CCDC171: variants seen among roughly 807,000 people sequenced by gnomAD.
The protein encoded by CCDC171 is coiled-coil domain containing 171.
In CCDC171, 177 loss-of-function variants were observed where a neutral mutation model predicts 168.2. That is an observed-to-expected ratio of 1.05 (90% CI 0.93 to 1.19). The LOEUF (loss-of-function observed/expected upper bound fraction) is 1.19, where lower values mean the gene tolerates loss of function less well. CCDC171 is among the 50% of genes most tolerant of loss of function. The probability of loss-of-function intolerance (pLI) is 0.00; values close to 1 mark genes in which losing one functional copy is unlikely to be tolerated. For missense variants in CCDC171, 1,991 were observed against 1,539.0 expected, an observed-to-expected ratio of 1.29 and a Z score of -4.91; for synonymous variants, 687 against 540.8, an observed-to-expected ratio of 1.27 and a Z score of -3.75.
intron 21 of CCDC171, among the ~76,000 whole-genome samples, chr9:15,810,367 A>G (rs1040841423): frequency 6.6e-6 from 1 of 152,180 alleles, no homozygotes; most frequent in Non-Finnish European, 1.5e-5. Flanking sequence ...CCACGGGCAG[A>G]GCTGCCTGCC....
chr9:15,713,262 C>G (rs1467970883), intron 11 of CCDC171, among the ~76,000 whole-genome samples: 1 of 152,026 alleles, frequency 6.6e-6, no homozygotes, highest in Non-Finnish European at 1.5e-5. Context: ...CTGCAGCTGC[C>G]TATTTTTGAA....
chr9:15,920,482 T>TA, intron 25 of CCDC171, 60 bp downstream of exon 25: 1 of 1,247,652 alleles, frequency 8.0e-7, no homozygotes, highest in African/African-American at 1.5e-5. Flanking sequence ...CATTTACATT[T>TA]ATGTTTTTAA....
At chr9:15,882,020 C>G (rs905420548) in intron 24 of CCDC171, among the ~76,000 whole-genome samples, 2 of 152,182 alleles carry the variant, frequency 1.3e-5, no homozygotes, top group East Asian at 3.8e-4. Context: ...AAACTCCATA[C>G]TGTTCTCCAT....
intron 4 of CCDC171, among the ~76,000 whole-genome samples, chr9:15,588,099 G>A (rs781544485): frequency 3.9e-5 from 6 of 152,136 alleles, no homozygotes; most frequent in African/African-American, 1.4e-4. Context: ...GCCAGGCGTG[G>A]TGGCAAGTGC....
At chr9:16,048,342 C>A (rs1192687579) in intron 1 of CCDC171, among the ~76,000 whole-genome samples, 1 of 152,216 alleles carries the variant, frequency 6.6e-6, no homozygotes, top group African/African-American at 2.4e-5. Flanking sequence ...ATGGGCCTCT[C>A]TCTGAGGAGG....
intron 25 of CCDC171, among the ~76,000 whole-genome samples, chr9:15,946,852 G>T (rs553293409): frequency 6.6e-6 from 1 of 152,070 alleles, no homozygotes; most frequent in South Asian, 2.1e-4. Flanking sequence ...AGTAAATGTT[G>T]TTTAGTTAGG....
intron 3 of CCDC171, among the ~76,000 whole-genome samples, chr9:15,979,370 C>G (rs1831722323): frequency 6.6e-6 from 1 of 152,110 alleles, no homozygotes. Context: ...TGTTCCTGAT[C>G]TTAGGGAAAA....
intron 25 of CCDC171, among the ~76,000 whole-genome samples, chr9:15,958,231 A>G (rs1274330410): frequency 1.3e-5 from 2 of 152,206 alleles, no homozygotes; most frequent in East Asian, 3.9e-4. Context: ...CAAGCAAACA[A>G]AATAGCCTGT....
At chr9:15,881,436 G>A (rs997239424) in intron 24 of CCDC171, among the ~76,000 whole-genome samples, 2 of 151,698 alleles carry the variant, frequency 1.3e-5, no homozygotes, top group Non-Finnish European at 2.9e-5. Flanking sequence ...AGTGTGCTTG[G>A]GATATAGATC....
intron 6 of CCDC171, among the ~76,000 whole-genome samples, chr9:16,029,507 T>C (rs953351964): frequency 6.6e-6 from 1 of 152,196 alleles, no homozygotes; most frequent in Non-Finnish European, 1.5e-5. Context: ...TGGGATTGAT[T>C]AGGATGGTCT....
chr9:15,699,046 T>C (rs1486585080), intron 11 of CCDC171, among the ~76,000 whole-genome samples: 2 of 152,056 alleles, frequency 1.3e-5, no homozygotes, highest in African/African-American at 4.8e-5. Flanking sequence ...TTACTTGGTC[T>C]CACTGACTTC....
chr9:15,674,857 C>G (rs2049401043), intron 9 of CCDC171, among the ~76,000 whole-genome samples: 1 of 152,110 alleles, frequency 6.6e-6, no homozygotes, highest in African/African-American at 2.4e-5. Context: ...GTGGAGAGTT[C>G]TGTAGATGTC....
At position 15,920,733 on chromosome 9, in the gene CCDC171, C is replaced by G. The variant is rs184167612; in HGVS notation, c.3753+311C>G. ...ATGCATAGTTAAAGCTTGCAACTGT[C>G]TGAAGATTCAGTGTGTCCCATTAAG... On this transcript the variant is annotated intron_variant, in intron 25 of 25. Transcript: ENST00000380701. 2.6e-5 allele frequency among the ~76,000 whole-genome samples: 4 copies of G among 151,798 alleles called. No individual in the cohort carries two copies. The Admixed American group carries it at 2.6e-4, about 10-fold the overall frequency.
chr9:15,750,918 G>A (rs372067372), intron 18 of CCDC171, among the ~76,000 whole-genome samples: 1 of 152,192 alleles, frequency 6.6e-6, no homozygotes, highest in Non-Finnish European at 1.5e-5. Flanking sequence ...AGTATTGGAA[G>A]TTCTGGCCAG....
chr9:15,664,094 A>C (rs2048534398), intron 8 of CCDC171, among the ~76,000 whole-genome samples: 1 of 151,672 alleles, frequency 6.6e-6, no homozygotes, highest in Non-Finnish European at 1.5e-5. Flanking sequence ...ATTAATAGTC[A>C]CTGGAGACTC....
At position 15,923,238 on chromosome 9, in the gene CCDC171, A is replaced by G. The variant is rs192119989; in HGVS notation, c.3753+2816A>G. Among the ~76,000 whole-genome samples, 66 of 151,548 alleles carry G rather than the reference A, an allele frequency of 4.4e-4. No homozygotes were observed. In the East Asian group the frequency reaches 0.012, roughly 29 times the overall value. ...CACAGCACTGTTCACAATAGCCAAG[A>G]TATATAATCAGCCTAAGTGTCCATC... On this transcript the variant is annotated intron_variant, in intron 25 of 25. Coordinates refer to ENST00000380701, the MANE Select transcript of CCDC171 (RefSeq NM_173550.4).
At chr9:15,979,979 A>G (rs1403303667) in intron 3 of CCDC171, among the ~76,000 whole-genome samples, 1 of 152,076 alleles carries the variant, frequency 6.6e-6, no homozygotes, top group Non-Finnish European at 1.5e-5. Context: ...TATACATAAC[A>G]TAAAATTTAC....
downstream of CCDC171, among the ~76,000 whole-genome samples, chr9:15,977,057 T>C (rs886996167): frequency 6.6e-6 from 1 of 152,156 alleles, no homozygotes. Context: ...CCTGGTTAAG[T>C]GAGACATAAA....
At position 15,657,218 on chromosome 9, in the gene CCDC171, A is replaced by G. The variant is rs1021768605; in HGVS notation, c.914A>G (p.Gln305Arg). 18 of 1,586,984 alleles carry G rather than the reference A, an allele frequency of 1.1e-5. No individual in the cohort carries two copies. The highest frequency in any genetic ancestry group is 1.6e-5 in the Non-Finnish European group (18 of 1,157,700). ...LESKFNSEII[Q>R]LRIRDLEGAL... Reference sequence around the variant, plus strand: ...TCAAAATTTAATTCTGAAATTATTCAGGTAAAATGTAAACAAATATTTTGG... The same window carrying G: ...TCAAAATTTAATTCTGAAATTATTCGGGTAAAATGTAAACAAATATTTTGG... Residue 305 changes from glutamine (Q) to arginine (R), a missense_variant and splice_region_variant, in exon 8 of 26, where the codon CAG (glutamine) becomes CGG (arginine). Transcript: ENST00000380701.
Sources: allele counts gnomAD v4.1 joint callset (sites outside exome capture counted in the v4.1 genomes callset), GRCh38; gene constraint gnomAD v4.1.1; transcripts MANE v1.5; gene names NCBI Gene and HGNC (gene_info 2026-07-23, HGNC 2026-07-21).